The following RARB variants were observed in gnomAD, a reference collection of about 807,000 sequenced individuals.
RARB encodes the protein HBV-activated protein.
Under a neutral mutation model 51.9 loss-of-function variants are expected in RARB, and 17 were observed. That is an observed-to-expected ratio of 0.33 (90% CI 0.22 to 0.49). RARB has a LOEUF of 0.49. Among genes scored for constraint, RARB ranks in the 20% least tolerant of loss-of-function variants. The probability of loss-of-function intolerance (pLI) is 0.99; values close to 1 mark genes in which losing one functional copy is unlikely to be tolerated. For missense variants in RARB, 369 were observed against 550.8 expected (o/e 0.67, Z 3.30); for synonymous variants, 215 against 195.4 (o/e 1.10, Z -0.84).
At chr3:25,158,903 G>A (rs974602081) in intron 4 of RARB, among the ~76,000 whole-genome samples, 12 of 152,060 alleles carry the variant, frequency 7.9e-5, no homozygotes, top group Non-Finnish European at 1.5e-4. Flanking sequence ...GCAATAGAGA[G>A]AAGAGAGAGC....
chr3:24,893,960 C>T (rs914992154), intron 2 of RARB, among the ~76,000 whole-genome samples: 25 of 152,096 alleles, frequency 1.6e-4, no homozygotes, highest in African/African-American at 5.8e-4. Context: ...CTAATACAAG[C>T]CTGTGCTTTT....
At chr3:24,846,388 G>A (rs899519303) in intron 1 of RARB, among the ~76,000 whole-genome samples, 16 of 152,168 alleles carry the variant, frequency 1.1e-4, no homozygotes, top group Admixed American at 6.5e-4. Context: ...AAAAATTCCA[G>A]GAGAACTGGT....
At chr3:24,935,666 A>G (rs1405622912) in intron 2 of RARB, among the ~76,000 whole-genome samples, 2 of 152,178 alleles carry the variant, frequency 1.3e-5, no homozygotes, top group East Asian at 3.8e-4. Flanking sequence ...TTAGAGTAAG[A>G]CGACTTATGA....
intron 2 of RARB, among the ~76,000 whole-genome samples, chr3:24,880,307 G>C (rs1018300809): frequency 6.6e-6 from 1 of 151,890 alleles, no homozygotes; most frequent in African/African-American, 2.4e-5. Flanking sequence ...TTGGGGAAAG[G>C]GATCTTTGGA....
intron 2 of RARB, among the ~76,000 whole-genome samples, chr3:24,866,586 G>A (rs1278258767): frequency 1.3e-5 from 2 of 152,066 alleles, no homozygotes; most frequent in East Asian, 1.9e-4. Context: ...AAGGGAAGAT[G>A]TGAGCTCCCA....
chr3:24,880,979 A>C (rs978036135), intron 2 of RARB, among the ~76,000 whole-genome samples: 1 of 152,158 alleles, frequency 6.6e-6, no homozygotes, highest in African/African-American at 2.4e-5. Context: ...CCCAAATCTC[A>C]TCTTGAATGG....
At chr3:25,362,095 T>A (rs1705957896) in intron 5 of RARB, among the ~76,000 whole-genome samples, 1 of 152,166 alleles carries the variant, frequency 6.6e-6, no homozygotes, top group Non-Finnish European at 1.5e-5. Flanking sequence ...CCCCTTCCTC[T>A]AGGTGCTGTG....
chr3:25,209,314 G>A lies in RARB; in HGVS notation c.178+34739G>A, dbSNP rs9864680. On this transcript the variant is annotated intron_variant, in intron 5 of 11. Coordinates refer to the RARB transcript ENST00000383772. ...AGCTATTGTGATTTTATTCAACTTTGGAAGCATGAGCACCTTTTTAGGTGC... is the reference window on the plus strand; with the variant it reads ...AGCTATTGTGATTTTATTCAACTTTAGAAGCATGAGCACCTTTTTAGGTGC... 5.6e-3 allele frequency among the ~76,000 whole-genome samples: 855 copies of A among 152,278 alleles called. 15 individuals carry two copies. Among genetic ancestry groups the A allele is most frequent in the African/African-American group, 0.019 (805 of 41,552 alleles).
chr3:25,361,791 G>A (rs576473091), intron 5 of RARB, among the ~76,000 whole-genome samples: 46 of 152,264 alleles, frequency 3.0e-4, no homozygotes, highest in East Asian at 5.8e-4. Context: ...CCCTGTTTGC[G>A]TGAGTATCAC....
At chr3:25,063,613 G>C (rs1020059805) in intron 3 of RARB, among the ~76,000 whole-genome samples, 1 of 151,916 alleles carries the variant, frequency 6.6e-6, no homozygotes, top group African/African-American at 2.4e-5. Flanking sequence ...ATCTATGCCG[G>C]TGGAATTTGA....
chr3:25,361,107 AG>A (rs1174146594), intron 5 of RARB, among the ~76,000 whole-genome samples: 1 of 152,206 alleles, frequency 6.6e-6, no homozygotes, highest in African/African-American at 2.4e-5. Context: ...TGTCACTTCC[AG>A]GTACACCAAT....
intron 5 of RARB, among the ~76,000 whole-genome samples, chr3:25,307,461 A>G (rs1265423677): frequency 1.3e-5 from 2 of 152,162 alleles, no homozygotes; most frequent in East Asian, 3.8e-4. Flanking sequence ...GGTTACTGCC[A>G]ATCTCAGAAG....
chr3:25,058,379 G>C (rs1422736336), intron 2 of RARB, among the ~76,000 whole-genome samples: 1 of 151,788 alleles, frequency 6.6e-6, no homozygotes, highest in African/African-American at 2.4e-5. Context: ...ATAGGTTAAA[G>C]GAACTGACCA....
At chr3:24,934,488 T>G (rs1464750544) in intron 2 of RARB, among the ~76,000 whole-genome samples, 2 of 152,160 alleles carry the variant, frequency 1.3e-5, no homozygotes, top group African/African-American at 4.8e-5. Flanking sequence ...ATTTCTTTTA[T>G]GAAACTGAAT....
At chr3:25,468,429 C>G (rs906701291) in intron 2 of RARB, among the ~76,000 whole-genome samples, 3 of 137,856 alleles carry the variant, frequency 2.2e-5, no homozygotes, top group African/African-American at 5.6e-5. Context: ...CACAACAGCT[C>G]TGCAAGGTAG....
intron 3 of RARB, among the ~76,000 whole-genome samples, chr3:25,523,660 C>T (rs1864905): frequency 0.084 from 12,727 of 152,180 alleles, 698 homozygotes; most frequent in African/African-American, 0.17. Context: ...GTTTACCCCA[C>T]ATACTTTATG....
At chr3:25,454,484 CTT>C (rs945746971) in intron 1 of RARB, among the ~76,000 whole-genome samples, 3 of 152,322 alleles carry the variant, frequency 2.0e-5, no homozygotes, top group Middle Eastern at 3.4e-3. Context: ...CAGGAAATGT[CTT>C]TTGCTTTATA....
intron 5 of RARB, among the ~76,000 whole-genome samples, chr3:25,420,687 G>C (rs1445743618): frequency 6.6e-6 from 1 of 152,130 alleles, no homozygotes; most frequent in Non-Finnish European, 1.5e-5. Flanking sequence ...GGGGGTTTAG[G>C]TCATGGGTAG....
chr3:25,146,840 T>A (rs966883428), intron 4 of RARB, among the ~76,000 whole-genome samples: 55 of 152,118 alleles, frequency 3.6e-4, no homozygotes, highest in African/African-American at 1.3e-3. Flanking sequence ...CTGAATTCAT[T>A]CTTTTGGCGC....
Sources: gnomAD v4.1 joint callset for allele counts (sites outside exome capture counted in the v4.1 genomes callset) on GRCh38, gnomAD v4.1.1 for gene constraint, MANE v1.5 for transcripts, NCBI Gene and HGNC (gene_info 2026-07-23, HGNC 2026-07-21) for gene names.